Variants in SVOPL observed in about 807,000 individuals in gnomAD.
The protein encoded by SVOPL is putative transporter SVOPL.
SVOPL carries 60 observed loss-of-function variants against 61.0 expected under a neutral mutation model. That is an observed-to-expected ratio of 0.98 (90% confidence interval 0.80 to 1.22). The LOEUF (loss-of-function observed/expected upper bound fraction) is 1.22, where lower values mean the gene tolerates loss of function less well. SVOPL is among the 50% of genes most tolerant of loss of function. The pLI is 0.00. For synonymous variants in SVOPL, 279 were observed against 250.0 expected (o/e 1.12, Z -1.09); for missense variants, 662 against 643.9 (o/e 1.03, Z -0.30).
chr7:138,635,704 C>T (rs1252441982), intron 9 of SVOPL, among the ~76,000 whole-genome samples: 1 of 152,052 alleles, frequency 6.6e-6, no homozygotes, highest in Admixed American at 6.6e-5. Flanking sequence ...CACATGCATG[C>T]CCAAATGTGC....
intron 8 of SVOPL, chr7:138,646,444 G>A (rs771991140): frequency 1.2e-4 from 21 of 178,330 alleles, no homozygotes; most frequent in Non-Finnish European, 2.3e-4. Context: ...CTTTGTGTAG[G>A]TCATTTTGGT....
chr7:138,608,006 C>G (rs1798829940), intron 14 of SVOPL, among the ~76,000 whole-genome samples: 1 of 152,092 alleles, frequency 6.6e-6, no homozygotes, highest in Admixed American at 6.5e-5. Flanking sequence ...AGAAAACAAT[C>G]CATTCCTAAT....
chr7:138,654,485 T>C (rs182905719), intron 7 of SVOPL, among the ~76,000 whole-genome samples: 141 of 149,558 alleles, frequency 9.4e-4, no homozygotes, highest in African/African-American at 3.3e-3. Context: ...GTTTACAGCA[T>C]GGTTTACTGA....
At chr7:138,654,498 T>G (rs949460382) in intron 7 of SVOPL, among the ~76,000 whole-genome samples, 18 of 82,454 alleles carry the variant, frequency 2.2e-4, no homozygotes, top group African/African-American at 7.0e-4. Flanking sequence ...TTTACTGAGT[T>G]TGTTTTTTTT....
chr7:138,641,014 G>A (rs945269513), intron 9 of SVOPL, among the ~76,000 whole-genome samples: 1 of 152,012 alleles, frequency 6.6e-6, no homozygotes, highest in African/African-American at 2.4e-5. Context: ...ACTGGCCTGA[G>A]CAACAAAGCA....
chr7:138,658,291 C>A (rs531110262), intron 6 of SVOPL, among the ~76,000 whole-genome samples: 1 of 152,120 alleles, frequency 6.6e-6, no homozygotes, highest in South Asian at 2.1e-4. Flanking sequence ...ATATTCCCCC[C>A]CCTCCCTTTT....
chr7:138,599,167 A>AAAAAAAAAAAAAAAAC lies in SVOPL; in HGVS notation c.1354-2638_1354-2637insGTTTTTTTTTTTTTTT, dbSNP rs58372563. ...AAAAAAAAAAAAAAAACCAAAAAAA[A>AAAAAAAAAAAAAAAAC]AAGAAATACAGAAATGTCAAAAGAC... On this transcript the variant is annotated intron_variant, in intron 14 of 15. Transcript: ENST00000674285. Among the ~76,000 whole-genome samples, 52 of 121,766 alleles carry AAAAAAAAAAAAAAAAC rather than the reference A, an allele frequency of 4.3e-4. 1 individual carries two copies. Among genetic ancestry groups the AAAAAAAAAAAAAAAAC allele is most frequent in the Non-Finnish European group, 5.1e-4 (31 of 60,548 alleles). 79.9% of individuals were successfully genotyped at this position (121,766 alleles called of 152,430 possible).
intron 9 of SVOPL, among the ~76,000 whole-genome samples, chr7:138,643,976 G>A (rs1383585973): frequency 6.6e-6 from 1 of 151,990 alleles, no homozygotes; most frequent in Admixed American, 6.6e-5. Context: ...GGCCGAGGCA[G>A]GTGGATCACG....
chr7:138,688,702 A>G (rs958474400), intron 1 of SVOPL, among the ~76,000 whole-genome samples: 1 of 152,176 alleles, frequency 6.6e-6, no homozygotes, highest in Non-Finnish European at 1.5e-5. Context: ...GGGAATTTAG[A>G]ATCATGTAGC....
At chr7:138,653,011 A>G (rs1274378927) in intron 7 of SVOPL, among the ~76,000 whole-genome samples, 2 of 152,194 alleles carry the variant, frequency 1.3e-5, no homozygotes, top group Non-Finnish European at 2.9e-5. Flanking sequence ...TGATATGGAG[A>G]AAGTCTGAGT....
At chr7:138,643,675 A>T (rs1353200511) in intron 9 of SVOPL, among the ~76,000 whole-genome samples, 2 of 150,496 alleles carry the variant, frequency 1.3e-5, no homozygotes, top group East Asian at 4.0e-4. Context: ...CAAACACTGT[A>T]TGATTCTACG....
intron 1 of SVOPL, among the ~76,000 whole-genome samples, chr7:138,697,438 C>T (rs1479025428): frequency 6.6e-6 from 1 of 151,350 alleles, no homozygotes. Context: ...CTGGTCTCTA[C>T]AAAAAAAGTT....
intron 10 of SVOPL, among the ~76,000 whole-genome samples, chr7:138,628,673 G>T (rs1316664427): frequency 1.3e-5 from 2 of 152,182 alleles, no homozygotes; most frequent in Non-Finnish European, 2.9e-5. Flanking sequence ...GTGTATGAAA[G>T]TTCCAGTTAC....
At chr7:138,642,070 T>C (rs184659816) in intron 9 of SVOPL, among the ~76,000 whole-genome samples, 239 of 151,194 alleles carry the variant, frequency 1.6e-3, no homozygotes, top group Non-Finnish European at 2.8e-3. Flanking sequence ...CAACATCCTC[T>C]TAACCAAAAT....
At position 138,594,361 on chromosome 7, in the gene SVOPL, C is replaced by A. The variant is rs947424059; in HGVS notation, c.*249G>T. On this transcript the variant is annotated 3_prime_UTR_variant, in exon 16 of 16. Transcript: ENST00000674285. ...AATGAAGAAAAGCCATCTTCCCCCCCACCATCTCCCTCTCACACCCCTTTG... is the reference window on the plus strand; with the variant it reads ...AATGAAGAAAAGCCATCTTCCCCCCAACCATCTCCCTCTCACACCCCTTTG... 4.4e-5 allele frequency: 13 copies of A among 297,082 alleles called. No homozygotes were observed. In the East Asian group the frequency reaches 5.3e-4, roughly 12 times the overall value. 18.4% of individuals were successfully genotyped at this position (297,082 alleles called of 1,614,324 possible).
At chr7:138,665,642 C>T (rs534689622) in intron 4 of SVOPL, among the ~76,000 whole-genome samples, 3 of 152,120 alleles carry the variant, frequency 2.0e-5, no homozygotes, top group Non-Finnish European at 2.9e-5. Context: ...AACGGTATCA[C>T]GTAATACAAT....
At chr7:138,691,204 G>C (rs1802932044) in intron 1 of SVOPL, among the ~76,000 whole-genome samples, 7 of 152,110 alleles carry the variant, frequency 4.6e-5, no homozygotes, top group Admixed American at 4.6e-4. Flanking sequence ...AAACCAAAAG[G>C]AATCTGGCTT....
chr7:138,655,571 G>GCA (rs149051889), intron 7 of SVOPL, among the ~76,000 whole-genome samples: 13,556 of 148,428 alleles, frequency 0.091, 1,052 homozygotes, highest in African/African-American at 0.2. Flanking sequence ...CTACACACAC[G>GCA]CACACACACA....
At chr7:138,628,772 T>C (rs1800018915) in intron 10 of SVOPL, among the ~76,000 whole-genome samples, 1 of 152,162 alleles carries the variant, frequency 6.6e-6, no homozygotes, top group South Asian at 2.1e-4. Context: ...TCTTGTTGGG[T>C]TTTAATTTGC....
Sources: allele counts gnomAD v4.1 joint callset (sites outside exome capture counted in the v4.1 genomes callset), GRCh38; gene constraint gnomAD v4.1.1; transcripts MANE v1.5; gene names NCBI Gene and HGNC (gene_info 2026-07-23, HGNC 2026-07-21).